ADCY5: variants seen among roughly 807,000 people sequenced by gnomAD.
ADCY5 encodes adenylate cyclase type 5.
Under a neutral mutation model 119.7 loss-of-function variants are expected in ADCY5, and 30 were observed. The ratio of observed to expected loss-of-function variants is 0.25; its 90% CI spans 0.19 to 0.34. The LOEUF (loss-of-function observed/expected upper bound fraction) is 0.34, where lower values mean the gene tolerates loss of function less well. Among genes scored for constraint, ADCY5 ranks in the 10% least tolerant of loss-of-function variants. The pLI is 1.00. For synonymous variants in ADCY5, 753 were observed against 762.2 expected, an observed-to-expected ratio of 0.99 and a Z score of 0.20; for missense variants, 1,324 against 1,775.2, an observed-to-expected ratio of 0.75 and a Z score of 4.57.
chr3:123,336,513 G>T (rs1016505662), intron 3 of ADCY5, among the ~76,000 whole-genome samples: 1 of 152,204 alleles, frequency 6.6e-6, no homozygotes, highest in Admixed American at 6.5e-5. Flanking sequence ...CTGGCTTTGG[G>T]GGCTGGAGAT....
At chr3:123,386,045 C>T (rs1224758672) in intron 1 of ADCY5, among the ~76,000 whole-genome samples, 1 of 152,124 alleles carries the variant, frequency 6.6e-6, no homozygotes, top group Non-Finnish European at 1.5e-5. Flanking sequence ...AGAGGCAGAG[C>T]GTGAGAGCCC....
intron 1 of ADCY5, among the ~76,000 whole-genome samples, chr3:123,358,155 C>CGT (rs6148049): frequency 0.027 from 3,874 of 140,878 alleles, 67 homozygotes; most frequent in African/African-American, 0.045. Context: ...ACATGGAACA[C>CGT]GTGTGTGTGT....
intron 3 of ADCY5, among the ~76,000 whole-genome samples, chr3:123,347,257 T>C (rs1406731101): frequency 6.6e-6 from 1 of 152,220 alleles, no homozygotes; most frequent in South Asian, 2.1e-4. Flanking sequence ...AGAGTATACA[T>C]GAAGTAAATA....
intron 1 of ADCY5, among the ~76,000 whole-genome samples, chr3:123,384,464 C>A (rs767514486): frequency 1.3e-4 from 20 of 152,218 alleles, no homozygotes; most frequent in Non-Finnish European, 2.6e-4. Context: ...AAGCGAAGCC[C>A]TGCTGGTATT....
chr3:123,297,516 CT>C, intron 15 of ADCY5, 134 bp from the exon 16 acceptor site: 1 of 999,558 alleles, frequency 1.0e-6, no homozygotes. Context: ...CCCATTCACC[CT>C]CCATATCCAA....
chr3:123,387,794 C>T (rs910168685), intron 1 of ADCY5, among the ~76,000 whole-genome samples: 30 of 152,208 alleles, frequency 2.0e-4, no homozygotes, highest in African/African-American at 6.8e-4. Flanking sequence ...TAAATAAGGC[C>T]TATCTTGGGT....
At chr3:123,406,584 G>GA (rs761700460) in intron 1 of ADCY5, among the ~76,000 whole-genome samples, 20 of 152,222 alleles carry the variant, frequency 1.3e-4, no homozygotes, top group Non-Finnish European at 2.9e-4. Flanking sequence ...GTGAAGAGGA[G>GA]AGGAAAGGGA....
chr3:123,297,056 T>G, intron 16 of ADCY5: 1 of 1,535,926 alleles, frequency 6.5e-7, no homozygotes, highest in Non-Finnish European at 8.7e-7. Context: ...CACAGGCTCC[T>G]GGGGAAGAGC....
In ADCY5 at chr3:123,303,893, G is replaced by GAAGAA. The variant is rs1553721264; in HGVS notation, c.2559+169_2559+173dup. Among the ~76,000 whole-genome samples the GAAGAA allele has an allele frequency of 0.12, 14,067 of 116,722 alleles. 1,005 individuals are homozygous for GAAGAA. Among genetic ancestry groups the GAAGAA allele is most frequent in the Middle Eastern group, 0.13 (33 of 250 alleles). 76.6% of individuals were successfully genotyped at this position (116,722 alleles called of 152,430 possible). On this transcript the variant is annotated intron_variant, in intron 13 of 20. Coordinates refer to ENST00000462833, the MANE Select transcript of ADCY5 (RefSeq NM_183357.3). ...GAAGAGAAGAGAAGAGAAGAGAAGA[G>GAAGAA]AAGAAAGAACTTGTGTGAGGCACAT... is the stretch of plus-strand genomic sequence containing the variant.
Position 123,303,124 on chromosome 3 carries a change from G to A in ADCY5, c.2655C>T (p.Ala885=), listed in dbSNP as rs376472428. The A allele has an allele frequency of 5.9e-5, 96 of 1,613,738 alleles. No homozygotes were observed. Among genetic ancestry groups the A allele is most frequent in the East Asian group, 8.9e-5 (4 of 44,882 alleles). ...QVNACHVAES[A]VNYSLGDEQG... is the part of the protein sequence containing the mutation. The stretch of plus-strand genomic sequence containing the variant: ...GCTCATCGCCCAGGCTGTAGTTGAC[G>A]GCCGACTCCGCCACGTGACACGCGT... Residue 885 remains alanine, a synonymous_variant, in exon 14 of 21, where the codon GCC becomes GCT. Coordinates refer to ENST00000462833, the MANE Select transcript of ADCY5 (RefSeq NM_183357.3).
intron 12 of ADCY5, 41 bp downstream of exon 12, chr3:123,314,194 G>A (rs368942017): frequency 1.7e-5 from 26 of 1,526,586 alleles, no homozygotes; most frequent in African/African-American, 1.6e-4. Context: ...TGAGAGAAGC[G>A]GGAAGAAGGT....
chr3:123,350,534 G>A (rs1195852679), intron 2 of ADCY5, among the ~76,000 whole-genome samples: 6 of 152,152 alleles, frequency 3.9e-5, no homozygotes, highest in Non-Finnish European at 7.4e-5. Flanking sequence ...ACCACCTCTG[G>A]GGCTGAGGGC....
At chr3:123,349,232 C>G (rs1053681605) in intron 2 of ADCY5, among the ~76,000 whole-genome samples, 4 of 152,240 alleles carry the variant, frequency 2.6e-5, no homozygotes, top group Non-Finnish European at 4.4e-5. Flanking sequence ...CTGCCTTTGC[C>G]TGGGACAGCC....
intron 1 of ADCY5, among the ~76,000 whole-genome samples, chr3:123,377,671 C>T (rs990015219): frequency 1.3e-5 from 2 of 152,308 alleles, no homozygotes; most frequent in African/African-American, 2.4e-5. Flanking sequence ...GCATGGAGTG[C>T]TTTTTCTCTG....
intron 1 of ADCY5, among the ~76,000 whole-genome samples, chr3:123,434,651 G>A (rs1219403681): frequency 6.6e-6 from 1 of 152,172 alleles, no homozygotes; most frequent in Non-Finnish European, 1.5e-5. Flanking sequence ...GTCTAGTCCA[G>A]GTCTCAACCC....
At chr3:123,382,422 T>C (rs1190734822) in intron 1 of ADCY5, among the ~76,000 whole-genome samples, 1 of 152,206 alleles carries the variant, frequency 6.6e-6, no homozygotes, top group Admixed American at 6.5e-5. Context: ...TTCTGAATTA[T>C]ATACCCCAAA....
intron 1 of ADCY5, among the ~76,000 whole-genome samples, chr3:123,429,104 C>T (rs139370672): frequency 3.5e-4 from 54 of 152,324 alleles, no homozygotes; most frequent in African/African-American, 1.2e-3. Flanking sequence ...GCCTGACACT[C>T]TGCGTGTCAT....
intron 1 of ADCY5, among the ~76,000 whole-genome samples, chr3:123,401,049 G>A (rs1944736042): frequency 6.9e-5 from 1 of 14,456 alleles, no homozygotes; most frequent in Admixed American, 1.1e-3. Context: ...CACTCCTGTG[G>A]GGACACACAT....
intron 7 of ADCY5, among the ~76,000 whole-genome samples, chr3:123,325,979 G>A (rs1315995194): frequency 6.6e-6 from 1 of 152,224 alleles, no homozygotes. Flanking sequence ...CTGGCAGGCT[G>A]TGGTGTCACA....
Sources: gnomAD v4.1 joint callset for allele counts (sites outside exome capture counted in the v4.1 genomes callset) on GRCh38, gnomAD v4.1.1 for gene constraint, MANE v1.5 for transcripts, NCBI Gene and HGNC (gene_info 2026-07-23, HGNC 2026-07-21) for gene names.